PDE4DIP: variants seen among roughly 807,000 people sequenced by gnomAD.
PDE4DIP encodes myomegalin.
PDE4DIP carries 59 observed loss-of-function variants against 221.4 expected under a neutral mutation model. The ratio of observed to expected loss-of-function variants is 0.27; its 90% CI spans 0.22 to 0.33. The LOEUF is 0.33. PDE4DIP is among the 10% of genes least tolerant of loss of function. The probability of loss-of-function intolerance (pLI) is 1.00; values close to 1 mark genes in which losing one functional copy is unlikely to be tolerated. For missense variants in PDE4DIP, 1,036 were observed against 2,154.2 expected (o/e 0.48, Z 10.28); for synonymous variants, 404 against 815.9 (o/e 0.50, Z 8.60).
intron 41 of PDE4DIP, 105 bp from the exon 45 acceptor site, chr1:149,029,682 A>T (rs79445592): frequency 1.3e-6 from 1 of 758,542 alleles, no homozygotes; most frequent in Non-Finnish European, 2.2e-6. Flanking sequence ...AGTTCAAGAG[A>T]GTTGAGAAGA....
At chr1:148,968,667 T>A (rs1243897870) in intron 13 of PDE4DIP, among the ~76,000 whole-genome samples, 169 bp from the exon 17 acceptor site, 1 of 152,224 alleles carries the variant, frequency 6.6e-6, no homozygotes, top group Non-Finnish European at 1.5e-5. Context: ...TAGAGACTTC[T>A]GTGTAGCAGG....
At chr1:148,948,997 C>T (rs56197927) in intron 5 of PDE4DIP, among the ~76,000 whole-genome samples, 16,610 of 152,150 alleles carry the variant, frequency 0.11, 1,073 homozygotes, top group East Asian at 0.25. Context: ...ACAGGATGTA[C>T]TCATTTGCAT....
intron 19 of PDE4DIP, among the ~76,000 whole-genome samples, chr1:148,978,644 A>G (rs2060596091): frequency 6.6e-6 from 1 of 151,958 alleles, no homozygotes; most frequent in Non-Finnish European, 1.5e-5. Flanking sequence ...GTGCAGTGGT[A>G]TGATCACAGC....
chr1:149,007,064 G>A (rs1293699804), intron 27 of PDE4DIP, 137 bp from the exon 31 acceptor site: 6 of 622,418 alleles, frequency 9.6e-6, no homozygotes, highest in Non-Finnish European at 1.7e-5. Flanking sequence ...TACCTCCTAT[G>A]GCTTATGTGC....
chr1:149,032,523 G>A (rs2152840030), exon 44 of PDE4DIP: 1 of 312,164 alleles, frequency 3.2e-6, no homozygotes, highest in South Asian at 6.5e-5. Context: ...ACCCTGTTGG[G>A]TCGAGTCAGG....
intron 38 of PDE4DIP, among the ~76,000 whole-genome samples, chr1:149,025,441 C>T (rs1553626410): frequency 6.6e-6 from 1 of 152,126 alleles, no homozygotes; most frequent in African/African-American, 2.4e-5. Context: ...GGTCATCATT[C>T]GCTTTCTCTA....
At chr1:149,030,166 T>C (rs1699757) in intron 42 of PDE4DIP, 66 bp from the exon 46 acceptor site, 127,478 of 1,225,852 alleles carry the variant, frequency 0.1, 13,515 homozygotes, top group East Asian at 0.48. Context: ...AGAATTCTCA[T>C]GCTAAGCAAG....
At chr1:148,961,033 G>A (rs587720916) in intron 6 of PDE4DIP, among the ~76,000 whole-genome samples, 13 of 152,298 alleles carry the variant, frequency 8.5e-5, no homozygotes, top group East Asian at 5.8e-4. Flanking sequence ...GCAGGCCGGC[G>A]CAGTGGCTCA....
At chr1:148,814,788 GA>G (rs1667280610) in intron 1 of PDE4DIP, among the ~76,000 whole-genome samples, 1 of 67,284 alleles carries the variant, frequency 1.5e-5, no homozygotes, top group Admixed American at 1.3e-4. Context: ...TCATTAATCT[GA>G]AGGGGAGAGG....
intron 1 of PDE4DIP, among the ~76,000 whole-genome samples, chr1:148,822,493 G>A (rs1203635244): frequency 1.3e-5 from 2 of 150,724 alleles, no homozygotes; most frequent in Non-Finnish European, 3.0e-5. Flanking sequence ...TTCTTACGAG[G>A]ATCTAATACC....
chr1:148,830,776 CT>C (rs1671826172), intron 1 of PDE4DIP, among the ~76,000 whole-genome samples: 1 of 148,152 alleles, frequency 6.7e-6, no homozygotes, highest in Non-Finnish European at 1.5e-5. Flanking sequence ...TTATGGCTGC[CT>C]AGTATTCCAT....
chr1:148,971,361 A>G (rs1348853295), intron 14 of PDE4DIP, among the ~76,000 whole-genome samples: 7 of 150,290 alleles, frequency 4.7e-5, no homozygotes, highest in Non-Finnish European at 8.9e-5. Context: ...CTATTAGATA[A>G]TGGTAAGTGC....
At chr1:148,936,916 G>A (rs1553475304) in intron 4 of PDE4DIP, among the ~76,000 whole-genome samples, 1 of 152,062 alleles carries the variant, frequency 6.6e-6, no homozygotes, top group East Asian at 1.9e-4. Context: ...AATAGCTCCT[G>A]AGGGACCTGC....
chr1:148,949,535 T>C (rs1241429318), intron 5 of PDE4DIP, among the ~76,000 whole-genome samples: 1 of 152,114 alleles, frequency 6.6e-6, no homozygotes, highest in Non-Finnish European at 1.5e-5. Flanking sequence ...ATTCAAATGA[T>C]ACACAGTATG....
intron 1 of PDE4DIP, among the ~76,000 whole-genome samples, chr1:148,911,810 AG>A (rs2042812172): frequency 1.3e-5 from 2 of 148,572 alleles, no homozygotes; most frequent in Admixed American, 1.3e-4. Flanking sequence ...GAGGCTGTCC[AG>A]GGTTCCTTGA....
chr1:148,980,186 A>C (rs2060849813), intron 20 of PDE4DIP, among the ~76,000 whole-genome samples: 2 of 152,220 alleles, frequency 1.3e-5, no homozygotes, highest in South Asian at 4.1e-4. Context: ...TGTCCTGTTA[A>C]AGGCTGTTCT....
intron 37 of PDE4DIP, among the ~76,000 whole-genome samples, chr1:149,023,215 T>C (rs1336148660): frequency 6.6e-6 from 1 of 152,188 alleles, no homozygotes; most frequent in Non-Finnish European, 1.5e-5. Flanking sequence ...TTTCAAATAC[T>C]CATTTAGTGA....
chr1:148,821,511 T>TA lies in PDE4DIP; in HGVS notation c.233+12781dup, dbSNP rs1375878689. Among the ~76,000 whole-genome samples the TA allele has an allele frequency of 8.0e-5, 12 of 150,648 alleles. No individual in the cohort carries two copies. The East Asian group carries it at 2.3e-3, about 29-fold the overall frequency. ...TTTCTGATATTAATAAAGTTTATTT[T>TA]AAAAAAATTTCGTTAGAGAGGAATT... On this transcript the variant is annotated intron_variant, in intron 1 of 45. Transcript: ENST00000524974.
chr1:148,912,307 T>C (rs1229606388), intron 1 of PDE4DIP, among the ~76,000 whole-genome samples: 1 of 146,650 alleles, frequency 6.8e-6, no homozygotes, highest in Non-Finnish European at 1.5e-5. Context: ...TGCCACTTGC[T>C]ATGTCATTTT....
Sources: allele counts gnomAD v4.1 joint callset (sites outside exome capture counted in the v4.1 genomes callset), GRCh38; gene constraint gnomAD v4.1.1; transcripts MANE v1.5; gene names NCBI Gene and HGNC (gene_info 2026-07-23, HGNC 2026-07-21).